Variants in GALNT17 observed in about 807,000 individuals in gnomAD.
GALNT17 encodes polypeptide N-acetylgalactosaminyltransferase 17.
In GALNT17, 29 loss-of-function variants were observed where a neutral mutation model predicts 63.7. The ratio of observed to expected loss-of-function variants is 0.46; its 90% CI spans 0.34 to 0.62. The LOEUF is 0.62. Ranked by LOEUF, GALNT17 falls within the 20% of genes least tolerant of loss-of-function variation. The pLI is 0.01. For synonymous variants in GALNT17, 305 were observed against 318.3 expected (o/e 0.96, Z 0.45); for missense variants, 603 against 799.6 (o/e 0.75, Z 2.97).
In GALNT17 at chr7:71,482,947, G is replaced by A. The variant is rs796330385; in HGVS notation, c.962+61842G>A. ...GCTGATCTGACAGGAGGCAGAGCTC[G>A]GTGGGTAAGGCGAGTGATGGGGAGT... On this transcript the variant is annotated intron_variant, in intron 5 of 10. Transcript: ENST00000333538. 2.5e-4 allele frequency among the ~76,000 whole-genome samples: 38 copies of A among 152,284 alleles called. 1 individual carries two copies. The highest frequency in any genetic ancestry group is 8.7e-4 in the African/African-American group (36 of 41,574).
At chr7:71,332,456 C>G (rs190187384) in intron 1 of GALNT17, among the ~76,000 whole-genome samples, 4 of 152,282 alleles carry the variant, frequency 2.6e-5, no homozygotes, top group Admixed American at 2.6e-4. Flanking sequence ...TCTCTGAGAG[C>G]AGACATAGAC....
intron 5 of GALNT17, among the ~76,000 whole-genome samples, chr7:71,505,731 A>G (rs997319825): frequency 6.6e-6 from 1 of 152,190 alleles, no homozygotes; most frequent in Non-Finnish European, 1.5e-5. Flanking sequence ...GCTGTTAACT[A>G]TGTGAATATT....
chr7:71,641,400 A>G (rs532110646), intron 6 of GALNT17, among the ~76,000 whole-genome samples: 1 of 152,292 alleles, frequency 6.6e-6, no homozygotes, highest in East Asian at 1.9e-4. Context: ...TTGAGCTGCT[A>G]TAACAAAATA....
intron 1 of GALNT17, among the ~76,000 whole-genome samples, chr7:71,217,206 T>TC (rs1789500895): frequency 6.9e-6 from 1 of 144,796 alleles, no homozygotes; most frequent in African/African-American, 2.5e-5. Flanking sequence ...GGTCTTGAAC[T>TC]CCCATATGAT....
intron 5 of GALNT17, among the ~76,000 whole-genome samples, chr7:71,442,916 G>A (rs560949420): frequency 4.0e-4 from 61 of 152,158 alleles, no homozygotes; most frequent in Non-Finnish European, 6.8e-4. Context: ...TAACTTCCGT[G>A]CATGAAGTTC....
At chr7:71,557,655 G>A (rs1051293253) in intron 5 of GALNT17, among the ~76,000 whole-genome samples, 1 of 152,072 alleles carries the variant, frequency 6.6e-6, no homozygotes, top group African/African-American at 2.4e-5. Context: ...GCCAGGCCCG[G>A]TGGCGTGTGC....
At chr7:71,273,886 A>G (rs1267257967) in intron 1 of GALNT17, among the ~76,000 whole-genome samples, 2 of 152,172 alleles carry the variant, frequency 1.3e-5, no homozygotes, top group Non-Finnish European at 2.9e-5. Context: ...AGAATGAGAG[A>G]CACACAGAAA....
intron 5 of GALNT17, among the ~76,000 whole-genome samples, chr7:71,497,690 A>G (rs1009793147): frequency 3.9e-5 from 6 of 152,112 alleles, no homozygotes; most frequent in Non-Finnish European, 5.9e-5. Flanking sequence ...GAAGTGTGCT[A>G]TTTTCCTGGA....
At chr7:71,582,306 G>GC (rs1297545692) in intron 6 of GALNT17, among the ~76,000 whole-genome samples, 6 of 151,894 alleles carry the variant, frequency 4.0e-5, no homozygotes, top group Non-Finnish European at 7.4e-5. Context: ...CGGGTGCAGT[G>GC]CCTCACACCT....
intron 5 of GALNT17, among the ~76,000 whole-genome samples, chr7:71,514,867 C>A (rs1788420695): frequency 6.6e-6 from 1 of 152,168 alleles, no homozygotes; most frequent in South Asian, 2.1e-4. Context: ...ATTGTAGCTC[C>A]CGTAATTCCC....
rs77402917 is a variant in GALNT17, at chr7:71,382,672, G to A, written c.423-5563G>A. The stretch of plus-strand genomic sequence containing the variant: ...GTGGTGACAGGAAGGAGAGGTTGCA[G>A]TGACAAGGTTCTGATGAGGTGTGAC... On this transcript the variant is annotated intron_variant, in intron 2 of 10. Coordinates refer to ENST00000333538, the MANE Select transcript of GALNT17 (RefSeq NM_022479.3). Among the ~76,000 whole-genome samples the A allele has an allele frequency of 3.9e-3, 587 of 152,248 alleles. 3 individuals carry two copies. The highest frequency in any genetic ancestry group is 0.013 in the African/African-American group (549 of 41,548).
Position 71,628,566 on chromosome 7 carries a change from G to A in GALNT17, c.1081-36845G>A, listed in dbSNP as rs141142476. Reference sequence around the variant, plus strand: ...TCTAACTCGTGACCTCAGGTGATCCGCCCACCTTGGCCTCCGAAAGTGCTG... The same window carrying A: ...TCTAACTCGTGACCTCAGGTGATCCACCCACCTTGGCCTCCGAAAGTGCTG... On this transcript the variant is annotated intron_variant, in intron 6 of 10. Transcript: ENST00000333538. Among the ~76,000 whole-genome samples, 1,056 of 152,138 alleles carry A rather than the reference G, an allele frequency of 6.9e-3. 13 individuals carry two copies. Among genetic ancestry groups the A allele is most frequent in the African/African-American group, 0.022 (909 of 41,516 alleles).
At chr7:71,710,968 G>A (rs1407073588) in intron 10 of GALNT17, 40 bp downstream of exon 10, 2 of 1,600,030 alleles carry the variant, frequency 1.2e-6, no homozygotes, top group Non-Finnish European at 8.5e-7. Context: ...CAGAGTAGCT[G>A]CAAGAGGCTG....
intron 1 of GALNT17, among the ~76,000 whole-genome samples, chr7:71,328,386 C>T (rs568871946): frequency 2.1e-4 from 32 of 152,304 alleles, no homozygotes; most frequent in African/African-American, 7.2e-4. Flanking sequence ...GCTGCTGCTT[C>T]TCCCCCTTTG....
intron 1 of GALNT17, among the ~76,000 whole-genome samples, chr7:71,251,880 A>G (rs1790204447): frequency 6.6e-6 from 1 of 152,144 alleles, no homozygotes; most frequent in African/African-American, 2.4e-5. Flanking sequence ...TGTGTGCACA[A>G]ATCTTTATGT....
chr7:71,578,284 C>T (rs1789572154), intron 6 of GALNT17, among the ~76,000 whole-genome samples: 1 of 151,994 alleles, frequency 6.6e-6, no homozygotes, highest in South Asian at 2.1e-4. Context: ...GATCCACCCA[C>T]CTCGGCCTCC....
At chr7:71,595,663 AC>A (rs1789874669) in intron 6 of GALNT17, among the ~76,000 whole-genome samples, 1 of 12,482 alleles carries the variant, frequency 8.0e-5, no homozygotes, top group Non-Finnish European at 1.5e-4. Flanking sequence ...AGACTGAGAC[AC>A]ACACACACAC....
chr7:71,702,983 G>T (rs1275945655), intron 9 of GALNT17, among the ~76,000 whole-genome samples: 1 of 152,206 alleles, frequency 6.6e-6, no homozygotes, highest in Non-Finnish European at 1.5e-5. Context: ...CATCCAAGTG[G>T]TATGTCAAGT....
chr7:71,357,318 G>A (rs945519005), intron 2 of GALNT17, among the ~76,000 whole-genome samples: 3 of 152,196 alleles, frequency 2.0e-5, no homozygotes, highest in East Asian at 1.9e-4. Context: ...ATAGGAGCGC[G>A]AACCCTATTG....
Sources: allele counts gnomAD v4.1 joint callset (sites outside exome capture counted in the v4.1 genomes callset), GRCh38; gene constraint gnomAD v4.1.1; transcripts MANE v1.5; gene names NCBI Gene and HGNC (gene_info 2026-07-23, HGNC 2026-07-21).